LRRTM4: variants seen among roughly 807,000 people sequenced by gnomAD.
LRRTM4 encodes leucine rich repeat transmembrane neuronal 4.
LRRTM4 carries 25 observed loss-of-function variants against 47.6 expected under a neutral mutation model. The ratio of observed to expected loss-of-function variants is 0.53; its 90% CI spans 0.38 to 0.73. LRRTM4 has a LOEUF of 0.73. Ranked by LOEUF, LRRTM4 falls within the 30% of genes least tolerant of loss-of-function variation. LRRTM4 has a pLI of 0.00. For synonymous variants in LRRTM4, 311 were observed against 269.5 expected (o/e 1.15, Z -1.51); for missense variants, 638 against 713.4 (o/e 0.89, Z 1.20).
chr2:77,134,562 G>A (rs192352381), intron 3 of LRRTM4, among the ~76,000 whole-genome samples: 6 of 152,202 alleles, frequency 3.9e-5, no homozygotes, highest in Non-Finnish European at 7.4e-5. Context: ...TAATGCTTCA[G>A]TTTTCACATG....
chr2:77,318,291 C>A (rs1677678823), intron 3 of LRRTM4, among the ~76,000 whole-genome samples: 1 of 152,158 alleles, frequency 6.6e-6, no homozygotes, highest in South Asian at 2.1e-4. Flanking sequence ...CAGGCGTGAG[C>A]CACCGCGCCC....
intron 3 of LRRTM4, among the ~76,000 whole-genome samples, chr2:76,958,363 CG>C (rs1675745533): frequency 6.6e-6 from 1 of 151,698 alleles, no homozygotes; most frequent in Non-Finnish European, 1.5e-5. Context: ...TTTTCCAACT[CG>C]AAGATAGATA....
intron 3 of LRRTM4, among the ~76,000 whole-genome samples, chr2:77,001,827 T>C (rs1677440788): frequency 6.6e-6 from 1 of 152,170 alleles, no homozygotes; most frequent in Admixed American, 6.6e-5. Flanking sequence ...AAAAGTCTTA[T>C]TGCCTAAACA....
intron 3 of LRRTM4, among the ~76,000 whole-genome samples, chr2:77,196,391 T>C (rs542798779): frequency 1.3e-5 from 2 of 152,294 alleles, no homozygotes; most frequent in African/African-American, 2.4e-5. Flanking sequence ...TTGAATATCA[T>C]AGGACATCAA....
intron 3 of LRRTM4, among the ~76,000 whole-genome samples, chr2:76,937,140 A>G (rs1317023837): frequency 2.0e-5 from 3 of 152,008 alleles, no homozygotes; most frequent in Non-Finnish European, 4.4e-5. Flanking sequence ...TGGTAATTTT[A>G]TTACCCAACT....
intron 3 of LRRTM4, among the ~76,000 whole-genome samples, chr2:76,926,897 A>G (rs556603274): frequency 9.9e-5 from 15 of 152,284 alleles, no homozygotes; most frequent in African/African-American, 3.6e-4. Context: ...CCTAAAACCT[A>G]TCAGAAAAGG....
chr2:77,013,506 T>TAA (rs5832271), intron 3 of LRRTM4, among the ~76,000 whole-genome samples: 8 of 146,446 alleles, frequency 5.5e-5, no homozygotes, highest in African/African-American at 2.0e-4. Flanking sequence ...GAAACACTGT[T>TAA]AAAAAAAAAA....
intron 3 of LRRTM4, among the ~76,000 whole-genome samples, chr2:77,418,405 T>C (rs539884912): frequency 6.6e-6 from 1 of 152,326 alleles, no homozygotes. Flanking sequence ...CCTACAAATT[T>C]GGGGTCACGT....
intron 3 of LRRTM4, among the ~76,000 whole-genome samples, chr2:77,307,291 T>C (rs1013193841): frequency 4.6e-5 from 7 of 151,808 alleles, no homozygotes; most frequent in Non-Finnish European, 1.0e-4. Flanking sequence ...CTCTGAAATG[T>C]GACTTAGTAG....
rs111379486 is a variant in LRRTM4 at position 77,061,438 on chromosome 2, CATTA to C, written c.1552-312526_1552-312523del. Among the ~76,000 whole-genome samples the C allele has an allele frequency of 8.3e-3, 1,260 of 152,100 alleles. 21 individuals carry two copies. Among genetic ancestry groups the C allele is most frequent in the African/African-American group, 0.029 (1,195 of 41,494 alleles). On this transcript the variant is annotated intron_variant, in intron 3 of 3. Coordinates refer to ENST00000409884, the MANE Select transcript of LRRTM4 (RefSeq NM_001134745.3). ...CCTGCAGAGTTGCTGAGAGTCAACA[CATTA>C]ATTATTTCTCCATTCAGTGTGATAC...
intron 3 of LRRTM4, among the ~76,000 whole-genome samples, chr2:77,400,201 T>G (rs1189162122): frequency 1.3e-5 from 2 of 151,768 alleles, no homozygotes; most frequent in Non-Finnish European, 2.9e-5. Flanking sequence ...CTTGGTAACA[T>G]GATACCGTAT....
At chr2:76,900,738 A>G (rs1361107992) in intron 3 of LRRTM4, among the ~76,000 whole-genome samples, 1 of 152,232 alleles carries the variant, frequency 6.6e-6, no homozygotes, top group Non-Finnish European at 1.5e-5. Flanking sequence ...AAAAGGTGGC[A>G]TATCTATTCA....
chr2:76,903,021 C>G (rs1286507895), intron 3 of LRRTM4, among the ~76,000 whole-genome samples: 1 of 152,232 alleles, frequency 6.6e-6, no homozygotes, highest in South Asian at 2.1e-4. Context: ...CACAATTTCT[C>G]AATTCATTAA....
At chr2:76,894,131 G>A (rs1485812581) in intron 3 of LRRTM4, among the ~76,000 whole-genome samples, 2 of 151,982 alleles carry the variant, frequency 1.3e-5, no homozygotes, top group East Asian at 1.9e-4. Flanking sequence ...GGAATTCACA[G>A]AAAGAAATAC....
At chr2:76,933,142 A>G (rs1674828999) in intron 3 of LRRTM4, among the ~76,000 whole-genome samples, 1 of 152,174 alleles carries the variant, frequency 6.6e-6, no homozygotes, top group Non-Finnish European at 1.5e-5. Context: ...ATATATCTAA[A>G]TAGCACATTT....
intron 3 of LRRTM4, among the ~76,000 whole-genome samples, chr2:77,014,767 G>A (rs986568293): frequency 2.0e-5 from 3 of 152,062 alleles, no homozygotes; most frequent in Admixed American, 6.6e-5. Flanking sequence ...AGTGGAGATT[G>A]TGCCACTGTA....
chr2:77,078,985 T>G (rs1445793261), intron 3 of LRRTM4, among the ~76,000 whole-genome samples: 4 of 152,176 alleles, frequency 2.6e-5, no homozygotes, highest in African/African-American at 9.7e-5. Flanking sequence ...CCCTTGAGCC[T>G]ATTTTATAAG....
At chr2:76,812,082 A>G (rs573774034) in intron 3 of LRRTM4, among the ~76,000 whole-genome samples, 2 of 152,320 alleles carry the variant, frequency 1.3e-5, no homozygotes, top group South Asian at 4.1e-4. Context: ...TCCTTTTGAT[A>G]GATGGAGTTA....
At chr2:77,457,197 G>C (rs894716166) in intron 3 of LRRTM4, among the ~76,000 whole-genome samples, 8 of 150,528 alleles carry the variant, frequency 5.3e-5, no homozygotes, top group Non-Finnish European at 1.0e-4. Context: ...AGTTTTAATG[G>C]CATCTTAAAC....
Sources: gnomAD v4.1 joint callset for allele counts (sites outside exome capture counted in the v4.1 genomes callset) on GRCh38, gnomAD v4.1.1 for gene constraint, MANE v1.5 for transcripts, NCBI Gene and HGNC (gene_info 2026-07-23, HGNC 2026-07-21) for gene names.